CRIM1: variants seen among roughly 807,000 people sequenced by gnomAD.
CRIM1 encodes the protein cysteine-rich motor neuron 1 protein.
Under a neutral mutation model 116.4 loss-of-function variants are expected in CRIM1, and 32 were observed. That is an observed-to-expected ratio of 0.27 (90% CI 0.21 to 0.37). The LOEUF (loss-of-function observed/expected upper bound fraction) is 0.37. Among genes scored for constraint, CRIM1 ranks in the 10% least tolerant of loss-of-function variants. The pLI, the probability that CRIM1 is intolerant of heterozygous loss-of-function variation, is 1.00. For missense variants in CRIM1, 1,331 were observed against 1,354.8 expected (o/e 0.98, Z 0.28); for synonymous variants, 590 against 509.2 (o/e 1.16, Z -2.13).
intron 8 of CRIM1, among the ~76,000 whole-genome samples, chr2:36,500,165 CA>C (rs1452841140): frequency 6.6e-6 from 1 of 151,758 alleles, no homozygotes; most frequent in African/African-American, 2.4e-5. Context: ...CAGCCTCTAC[CA>C]AAAATACAAA....
At chr2:36,541,601 A>AT (rs1354459447) in intron 14 of CRIM1, among the ~76,000 whole-genome samples, 2 of 152,202 alleles carry the variant, frequency 1.3e-5, no homozygotes, top group Non-Finnish European at 2.9e-5. Context: ...AGAAGAGGAC[A>AT]TTTTAAGGAA....
intron 11 of CRIM1, among the ~76,000 whole-genome samples, chr2:36,514,452 T>G (rs11124518): frequency 6.3e-4 from 96 of 152,318 alleles, no homozygotes; most frequent in African/African-American, 2.2e-3. Flanking sequence ...ATCTATTATT[T>G]CCCTCTCTGT....
intron 13 of CRIM1, among the ~76,000 whole-genome samples, chr2:36,534,236 G>C (rs1245021855): frequency 7.4e-6 from 1 of 135,430 alleles, no homozygotes; most frequent in Non-Finnish European, 1.6e-5. Flanking sequence ...AAGGAGGGTG[G>C]GGAAGGAGGG....
intron 2 of CRIM1, among the ~76,000 whole-genome samples, chr2:36,408,924 A>G (rs1673010714): frequency 6.6e-6 from 1 of 151,984 alleles, no homozygotes; most frequent in African/African-American, 2.4e-5. Flanking sequence ...TAGGTAAGGA[A>G]TCTCTATTAG....
intron 2 of CRIM1, among the ~76,000 whole-genome samples, chr2:36,415,982 C>G (rs531126801): frequency 1.3e-5 from 2 of 152,106 alleles, no homozygotes; most frequent in African/African-American, 4.8e-5. Context: ...CCAAGGCACG[C>G]GGATCACTTA....
At chr2:36,516,468 T>G (rs991682338) in intron 11 of CRIM1, among the ~76,000 whole-genome samples, 4 of 152,188 alleles carry the variant, frequency 2.6e-5, no homozygotes, top group African/African-American at 9.7e-5. Flanking sequence ...TCTTCAGACA[T>G]TTTCAACATT....
In CRIM1 at chr2:36,356,248, G is replaced by A. The variant is rs964278076; in HGVS notation, c.-45G>A. The A allele has an allele frequency of 2.5e-6, 3 of 1,206,834 alleles. No individual in the cohort carries two copies. In the East Asian group the frequency reaches 9.4e-5, roughly 38 times the overall value. 74.8% of individuals were successfully genotyped at this position (1,206,834 alleles called of 1,614,324 possible). ...CCGCGCAGGGGAGGGCGCCCGCCCC[G>A]CTCCCGGCCCGGCTGCGAGGAGGAG... On this transcript the variant is annotated 5_prime_UTR_variant, in exon 1 of 17. Transcript: ENST00000280527. The surrounding 1 kb of genome is among the most constrained non-coding windows in gnomAD (Gnocchi z 4.3).
At chr2:36,539,918 C>T (rs959963469) in intron 14 of CRIM1, among the ~76,000 whole-genome samples, 1 of 152,080 alleles carries the variant, frequency 6.6e-6, no homozygotes, top group Non-Finnish European at 1.5e-5. Context: ...GGTTTCTAGT[C>T]TCAAGGTTTT....
chr2:36,399,276 A>G (rs1672251410), intron 2 of CRIM1, among the ~76,000 whole-genome samples: 2 of 152,248 alleles, frequency 1.3e-5, no homozygotes, highest in Non-Finnish European at 2.9e-5. Flanking sequence ...GGTGAAGTCA[A>G]CATTAGGCAG....
chr2:36,402,696 T>C (rs1010749636), intron 2 of CRIM1, among the ~76,000 whole-genome samples: 3 of 150,654 alleles, frequency 2.0e-5, no homozygotes, highest in Non-Finnish European at 4.4e-5. Context: ...GACTCGTACC[T>C]GAGAGCTGGA....
chr2:36,537,560 C>A lies in CRIM1; in HGVS notation c.2623+14C>A. The stretch of plus-strand genomic sequence containing the variant: ...CAATGTGTCCAGGTATCTAAGCCAC[C>A]ATCCTTCCATTTGTCAAGCTGTAAT... On this transcript the variant is annotated intron_variant, in intron 14 of 16. Transcript: ENST00000280527. The A allele has an allele frequency of 6.3e-7, 1 of 1,582,522 alleles. No individual in the cohort carries two copies. The highest frequency in any genetic ancestry group is 1.2e-5 in the South Asian group (1 of 86,070).
At chr2:36,454,476 C>G (rs2160367) in intron 4 of CRIM1, among the ~76,000 whole-genome samples, 83,728 of 151,934 alleles carry the variant, frequency 0.55, 24,642 homozygotes, top group African/African-American at 0.75. Flanking sequence ...ACCGAGGTCT[C>G]TGAGGCATGA....
chr2:36,388,411 A>G (rs982158357), intron 1 of CRIM1, among the ~76,000 whole-genome samples: 7 of 152,350 alleles, frequency 4.6e-5, no homozygotes, highest in Admixed American at 2.6e-4. Context: ...CCATAGGCAT[A>G]TGATTCTCTG....
chr2:36,376,354 G>A (rs755208647), intron 1 of CRIM1, among the ~76,000 whole-genome samples: 19 of 152,210 alleles, frequency 1.2e-4, no homozygotes, highest in Non-Finnish European at 2.1e-4. Flanking sequence ...TGAAGCCTCC[G>A]TGACCTGTGT....
Position 36,521,973 on chromosome 2 carries a change from T to C in CRIM1, c.2207-119T>C, listed in dbSNP as rs148596945. On this transcript the variant is annotated intron_variant, in intron 12 of 16. Coordinates refer to ENST00000280527, the MANE Select transcript of CRIM1 (RefSeq NM_016441.3). ...TCATACTTTCTGATTTGTTACTGCG[T>C]CATGTATTTAAGGAGGCACCGAAAG... 27 of 747,130 alleles carry C rather than the reference T, an allele frequency of 3.6e-5. No individual in the cohort carries two copies. The African/African-American group carries it at 4.0e-4, about 11-fold the overall frequency. 46.3% of individuals were successfully genotyped at this position (747,130 alleles called of 1,614,324 possible). A position where few individuals can be genotyped will look rare whatever the true frequency, so the allele number is the denominator to read the frequency against.
At chr2:36,453,988 A>G (rs566867399) in intron 4 of CRIM1, among the ~76,000 whole-genome samples, 102 of 151,486 alleles carry the variant, frequency 6.7e-4, no homozygotes, top group African/African-American at 2.5e-3. Flanking sequence ...AAGGGAATTC[A>G]TGACAATGTT....
intron 1 of CRIM1, among the ~76,000 whole-genome samples, chr2:36,372,711 T>A (rs1670021127): frequency 6.6e-6 from 1 of 152,240 alleles, no homozygotes; most frequent in Admixed American, 6.5e-5. Context: ...TTTACGATGC[T>A]CATCTCATAC....
chr2:36,515,855 C>T (rs551350663), intron 11 of CRIM1, among the ~76,000 whole-genome samples: 1 of 152,304 alleles, frequency 6.6e-6, no homozygotes, highest in South Asian at 2.1e-4. Flanking sequence ...TTTTTGAAAG[C>T]AATAAGGGAG....
chr2:36,510,288 G>C (rs894664482), intron 9 of CRIM1, 149 bp downstream of exon 9: 1 of 729,720 alleles, frequency 1.4e-6, no homozygotes, highest in African/African-American at 1.8e-5. Flanking sequence ...GATTCAGAAA[G>C]CAGGGAGAAG....
Sources: gnomAD v4.1 joint callset for allele counts (sites outside exome capture counted in the v4.1 genomes callset) on GRCh38, gnomAD v4.1.1 for gene constraint, Gnocchi (gnomAD v3.1) non-coding constraint, MANE v1.5 for transcripts, NCBI Gene and HGNC (gene_info 2026-07-23, HGNC 2026-07-21) for gene names.